Variants in TRPM3 observed in about 807,000 individuals in gnomAD.
TRPM3 encodes transient receptor potential cation channel subfamily M member 3.
In TRPM3, 77 loss-of-function variants were observed where a neutral mutation model predicts 181.2. The observed-to-expected ratio is 0.42, with a 90% confidence interval of 0.35 to 0.51. The LOEUF is 0.51. Among genes scored for constraint, TRPM3 ranks in the 20% least tolerant of loss-of-function variants. The pLI is 0.01. For synonymous variants in TRPM3, 745 were observed against 796.4 expected (o/e 0.94, Z 1.09); for missense variants, 1,759 against 2,196.7 (o/e 0.80, Z 3.98).
chr9:70,775,486 G>A (rs527749242), intron 7 of TRPM3: 1 of 152,334 alleles, frequency 6.6e-6, no homozygotes, highest in African/African-American at 2.4e-5. Context: ...GCTGGGGCCA[G>A]GATACAGTGG....
intron 1 of TRPM3, among the ~76,000 whole-genome samples, chr9:71,265,374 G>C (rs762084646): frequency 4.6e-5 from 7 of 152,174 alleles, no homozygotes; most frequent in African/African-American, 1.7e-4. Flanking sequence ...GTATTTGCAA[G>C]AGGAAATCAT....
At chr9:71,128,539 C>T (rs577855840) in intron 1 of TRPM3, among the ~76,000 whole-genome samples, 3 of 152,248 alleles carry the variant, frequency 2.0e-5, no homozygotes, top group South Asian at 2.1e-4. Flanking sequence ...ATTTGCAATG[C>T]TATTCATTAT....
intron 1 of TRPM3, among the ~76,000 whole-genome samples, chr9:71,009,778 T>A (rs572492304): frequency 1.8e-4 from 27 of 152,212 alleles, no homozygotes; most frequent in Non-Finnish European, 3.1e-4. Context: ...CAAAGCAATC[T>A]TGAACATAAT....
At chr9:71,312,751 C>T (rs2088090209) in intron 1 of TRPM3, among the ~76,000 whole-genome samples, 1 of 152,052 alleles carries the variant, frequency 6.6e-6, no homozygotes, top group South Asian at 2.1e-4. Flanking sequence ...CATAAAAACA[C>T]ATGGAGAAAA....
chr9:70,787,763 C>CTTTTTTTTTTTTTTTTTTTTGTT (rs2084054300), intron 6 of TRPM3, among the ~76,000 whole-genome samples: 51 of 68,552 alleles, frequency 7.4e-4, no homozygotes, highest in African/African-American at 1.2e-3. Flanking sequence ...TTTTTGGATT[C>CTTTTTTTTTTTTTTTTTTTTGTT]TTTTTTTTTT....
chr9:70,584,914 G>A lies in TRPM3; in HGVS notation c.3223+6117C>T, dbSNP rs2056789199. Among the ~76,000 whole-genome samples the A allele has an allele frequency of 1.3e-5, 2 of 152,050 alleles. 1 individual carries two copies. The highest frequency in any genetic ancestry group is 4.2e-4 in the South Asian group (2 of 4,814). The stretch of plus-strand genomic sequence containing the variant: ...TTTGTCTTTCCTGTACTATATCTGG[G>A]GTGCAGAGTCATGACTGGGGAAACA... On this transcript the variant is annotated intron_variant, in intron 22 of 25. Coordinates refer to ENST00000677713, the MANE Select transcript of TRPM3 (RefSeq NM_001366145.2).
At chr9:71,153,644 G>A (rs1452486224) in intron 1 of TRPM3, among the ~76,000 whole-genome samples, 2 of 152,004 alleles carry the variant, frequency 1.3e-5, no homozygotes, top group Non-Finnish European at 2.9e-5. Flanking sequence ...ACACATCCCT[G>A]CTGACTCTAC....
At chr9:70,931,115 G>A (rs75858509) in intron 1 of TRPM3, among the ~76,000 whole-genome samples, 3,063 of 151,904 alleles carry the variant, frequency 0.02, 53 homozygotes, top group East Asian at 0.066. Flanking sequence ...AGTAAATAAC[G>A]CAACTTTGAA....
At chr9:70,894,373 G>A (rs1202500931) in intron 1 of TRPM3, among the ~76,000 whole-genome samples, 1 of 152,076 alleles carries the variant, frequency 6.6e-6, no homozygotes, top group Non-Finnish European at 1.5e-5. Flanking sequence ...TGGGCCCAAG[G>A]GACCATCGGG....
intron 1 of TRPM3, among the ~76,000 whole-genome samples, chr9:70,969,256 A>T (rs925456567): frequency 6.6e-6 from 1 of 151,612 alleles, no homozygotes. Context: ...GGGGAACATC[A>T]CACACCAGGG....
chr9:70,879,051 A>G (rs964972897), intron 1 of TRPM3, among the ~76,000 whole-genome samples: 1 of 152,128 alleles, frequency 6.6e-6, no homozygotes, highest in Non-Finnish European at 1.5e-5. Flanking sequence ...TTTGGACCTC[A>G]TCATACACCT....
intron 1 of TRPM3, among the ~76,000 whole-genome samples, chr9:71,044,518 A>G (rs1189134944): frequency 6.6e-6 from 1 of 152,238 alleles, no homozygotes; most frequent in Non-Finnish European, 1.5e-5. Context: ...CTAAGTTAAT[A>G]TTCTGAGTAT....
chr9:71,084,866 C>T (rs1221526550), intron 1 of TRPM3, among the ~76,000 whole-genome samples: 1 of 151,898 alleles, frequency 6.6e-6, no homozygotes, highest in African/African-American at 2.4e-5. Flanking sequence ...TCACGTTACC[C>T]AACTTCAAAC....
intron 1 of TRPM3, among the ~76,000 whole-genome samples, chr9:71,127,174 A>G (rs529026089): frequency 2.6e-5 from 4 of 152,154 alleles, no homozygotes; most frequent in African/African-American, 7.2e-5. Context: ...ATTACTTCTC[A>G]TAAAGGTCCT....
At chr9:70,852,076 G>A (rs1040549340) in intron 3 of TRPM3, among the ~76,000 whole-genome samples, 2 of 123,470 alleles carry the variant, frequency 1.6e-5, no homozygotes, top group Non-Finnish European at 1.6e-5. Flanking sequence ...CTGAGATCAC[G>A]CCACTGCACC....
At chr9:70,866,156 T>A (rs766331264) in intron 1 of TRPM3, among the ~76,000 whole-genome samples, 3 of 152,088 alleles carry the variant, frequency 2.0e-5, no homozygotes, top group Non-Finnish European at 4.4e-5. Flanking sequence ...CTGAATACTT[T>A]CATTGATAAT....
intron 1 of TRPM3, among the ~76,000 whole-genome samples, chr9:71,134,010 TGTGTGCGCGTGC>T (rs901560222): frequency 1.4e-4 from 12 of 87,828 alleles, no homozygotes; most frequent in African/African-American, 4.1e-4. Flanking sequence ...TGTGTGTGTG[TGTGTGCGCGTGC>T]GCGCGCGCGC....
intron 1 of TRPM3, among the ~76,000 whole-genome samples, chr9:71,084,779 T>C (rs1395198937): frequency 6.6e-6 from 1 of 152,014 alleles, no homozygotes; most frequent in Non-Finnish European, 1.5e-5. Context: ...AAAAAACTAT[T>C]CTACAATTCA....
rs2133556129 is a variant in TRPM3, at chr9:70,941,150, A to G, written c.178-76639T>C. On this transcript the variant is annotated intron_variant, in intron 1 of 25. Coordinates refer to ENST00000677713, the MANE Select transcript of TRPM3 (RefSeq NM_001366145.2). The stretch of plus-strand genomic sequence containing the variant: ...GTCTGAGAGGGTGTTGCCAAAGGAG[A>G]TTAATAGTTGAGTCAGTAGACTGGG... 2.0e-5 allele frequency among the ~76,000 whole-genome samples: 3 copies of G among 152,222 alleles called. No individual in the cohort carries two copies. In the Middle Eastern group the frequency reaches 0.01, roughly 518 times the overall value.
Sources: allele counts gnomAD v4.1 joint callset (sites outside exome capture counted in the v4.1 genomes callset), GRCh38; gene constraint gnomAD v4.1.1; transcripts MANE v1.5; gene names NCBI Gene and HGNC (gene_info 2026-07-23, HGNC 2026-07-21).